The following ERLIN1 variants were observed in gnomAD, a reference collection of about 807,000 sequenced individuals.
ERLIN1 encodes the protein ER lipid raft associated 1.
Under a neutral mutation model 46.9 loss-of-function variants are expected in ERLIN1, and 24 were observed. The ratio of observed to expected loss-of-function variants is 0.51; its 90% CI spans 0.37 to 0.72. The LOEUF (loss-of-function observed/expected upper bound fraction) is 0.72. Among genes scored for constraint, ERLIN1 ranks in the 30% least tolerant of loss-of-function variants. The pLI is 0.00. For synonymous variants in ERLIN1, 158 were observed against 143.2 expected (o/e 1.10, Z -0.74); for missense variants, 293 against 417.9 (o/e 0.70, Z 2.61).
chr10:100,156,760 C>T (rs995276827), intron 8 of ERLIN1, among the ~76,000 whole-genome samples: 1 of 152,156 alleles, frequency 6.6e-6, no homozygotes, highest in African/African-American at 2.4e-5. Context: ...CGCCTGTAAC[C>T]CCAGCACTTT....
intron 6 of ERLIN1, among the ~76,000 whole-genome samples, chr10:100,169,485 G>A (rs973304570): frequency 1.3e-5 from 2 of 151,794 alleles, no homozygotes; most frequent in Non-Finnish European, 2.9e-5. Flanking sequence ...AAGAAAAATG[G>A]TATATAAATA....
intron 7 of ERLIN1, 130 bp downstream of exon 7, chr10:100,167,218 G>GT (rs1843693011): frequency 1.4e-6 from 1 of 698,812 alleles, no homozygotes; most frequent in East Asian, 2.7e-5. Context: ...TATTACTAGA[G>GT]TAAGAGTAAA....
chr10:100,152,708 G>C (rs958280061), intron 10 of ERLIN1, among the ~76,000 whole-genome samples: 4 of 152,102 alleles, frequency 2.6e-5, no homozygotes, highest in African/African-American at 9.7e-5. Flanking sequence ...AGTTTCTGTT[G>C]ATTCTCTTTT....
At chr10:100,156,367 T>A in intron 8 of ERLIN1, 133 bp from the exon 9 acceptor site, 1 of 635,676 alleles carries the variant, frequency 1.6e-6, no homozygotes, top group African/African-American at 1.8e-5. Flanking sequence ...CTAAGTTTTA[T>A]CTAGTCAGAC....
At chr10:100,177,070 T>A (rs1457929301) in intron 4 of ERLIN1, among the ~76,000 whole-genome samples, 4 of 152,020 alleles carry the variant, frequency 2.6e-5, no homozygotes, top group Non-Finnish European at 5.9e-5. Context: ...TGCACTGAGC[T>A]GAGATCATGC....
At chr10:100,182,654 A>C (rs545118969) in intron 2 of ERLIN1, among the ~76,000 whole-genome samples, 1 of 152,366 alleles carries the variant, frequency 6.6e-6, no homozygotes, top group African/African-American at 2.4e-5. Context: ...CACATAAAAA[A>C]ACTTAGCAAA....
At chr10:100,167,529 T>A in intron 6 of ERLIN1, 123 bp from the exon 7 acceptor site, 1 of 710,078 alleles carries the variant, frequency 1.4e-6, no homozygotes, top group South Asian at 1.8e-5. Context: ...TATAGCGGCC[T>A]ACTAACACGT....
intron 6 of ERLIN1, among the ~76,000 whole-genome samples, chr10:100,172,907 A>C (rs1844084413): frequency 6.6e-6 from 1 of 152,232 alleles, no homozygotes; most frequent in Non-Finnish European, 1.5e-5. Context: ...CCCTGGGCAG[A>C]ATCTAAGAGC....
chr10:100,165,058 T>C (rs749805365), intron 7 of ERLIN1, among the ~76,000 whole-genome samples: 2 of 152,160 alleles, frequency 1.3e-5, no homozygotes, highest in African/African-American at 2.4e-5. Context: ...GTAATGGAAA[T>C]GGCTGGCATA....
At chr10:100,168,451 A>G (rs945076610) in intron 6 of ERLIN1, among the ~76,000 whole-genome samples, 3 of 152,174 alleles carry the variant, frequency 2.0e-5, no homozygotes, top group African/African-American at 7.2e-5. Context: ...CTCACAACAC[A>G]CTGGCAGTGA....
intron 6 of ERLIN1, among the ~76,000 whole-genome samples, chr10:100,171,808 G>A (rs1323506179): frequency 1.3e-5 from 2 of 151,978 alleles, no homozygotes; most frequent in Non-Finnish European, 2.9e-5. Context: ...AATAACCTAG[G>A]GTATTCAACT....
rs142180368 is a variant in ERLIN1 at position 100,184,828 on chromosome 10, T to A, written c.113+686A>T. Among the ~76,000 whole-genome samples, 93 of 152,322 alleles carry A rather than the reference T, an allele frequency of 6.1e-4. 1 individual carries two copies. Among genetic ancestry groups the A allele is most frequent in the Admixed American group, 6.5e-4 (10 of 15,310 alleles). ...AGGGATAGTGGAAACAAGCAAAAAG[T>A]TGACGCTCTTTTTGAATACACCATT... On this transcript the variant is annotated intron_variant, in intron 1 of 10. Transcript: ENST00000421367.
Position 100,152,095 on chromosome 10 carries a change from C to T in ERLIN1, c.*36G>A. The T allele has an allele frequency of 1.5e-6, 2 of 1,347,956 alleles. No individual in the cohort carries two copies. The highest frequency in any genetic ancestry group is 2.3e-5 in the South Asian group (2 of 85,428). The allele number at this position is 1,347,956 out of a possible 1,614,324, so 83.5% of individuals were successfully genotyped here. On this transcript the variant is annotated 3_prime_UTR_variant, in exon 11 of 11. Coordinates refer to ENST00000421367, the MANE Select transcript of ERLIN1 (RefSeq NM_006459.4). ...ATTGTTCCCACTTAACCCCTTGGGC[C>T]ACATCTTGATATGGAGAACATTTCC...
intron 8 of ERLIN1, among the ~76,000 whole-genome samples, chr10:100,163,103 A>G (rs1843447407): frequency 6.6e-6 from 1 of 152,070 alleles, no homozygotes. Flanking sequence ...CCAAAAAAAG[A>G]AAAAATCCCT....
chr10:100,165,069 T>C (rs1843557296), intron 7 of ERLIN1, among the ~76,000 whole-genome samples: 1 of 152,172 alleles, frequency 6.6e-6, no homozygotes, highest in South Asian at 2.1e-4. Context: ...GGCTGGCATA[T>C]TACTAAGCAT....
At position 100,151,889 on chromosome 10, in the gene ERLIN1, A is replaced by G. The variant is rs1842817554; in HGVS notation, c.*242T>C. 1 of 536,592 alleles carries G rather than the reference A, an allele frequency of 1.9e-6. No individual in the cohort carries two copies. The highest frequency in any genetic ancestry group is 3.1e-5 in the Admixed American group (1 of 32,772). The allele number at this position is 536,592 out of a possible 1,614,324, so 33.2% of individuals were successfully genotyped here. A position where few individuals can be genotyped will look rare whatever the true frequency, so the allele number is the denominator to read the frequency against. On this transcript the variant is annotated 3_prime_UTR_variant, in exon 11 of 11. Transcript: ENST00000421367. ...TCTTAGCATCAGACTTTCCTCATTC[A>G]TGAGTAGCAGTTTAGAAAGGAATAC...
chr10:100,185,451 C>T, intron 1 of ERLIN1, 63 bp downstream of exon 1: 3 of 1,284,474 alleles, frequency 2.3e-6, no homozygotes, highest in Non-Finnish European at 2.3e-6. Flanking sequence ...ACTTCCCAGA[C>T]TCCACTCTGG....
chr10:100,183,047 T>C (rs1385192696), intron 2 of ERLIN1, among the ~76,000 whole-genome samples: 3 of 152,174 alleles, frequency 2.0e-5, no homozygotes, highest in African/African-American at 7.2e-5. Context: ...CAAGATTAAA[T>C]AACACAGAAT....
At chr10:100,182,020 T>C (rs1401639306) in intron 2 of ERLIN1, among the ~76,000 whole-genome samples, 2 of 152,046 alleles carry the variant, frequency 1.3e-5, no homozygotes, top group East Asian at 1.9e-4. Context: ...ATTAAATATA[T>C]ACACACACTA....
Sources: gnomAD v4.1 joint callset for allele counts (sites outside exome capture counted in the v4.1 genomes callset) on GRCh38, gnomAD v4.1.1 for gene constraint, MANE v1.5 for transcripts, NCBI Gene and HGNC (gene_info 2026-07-23, HGNC 2026-07-21) for gene names.